Variants in PIK3R1 observed in about 807,000 individuals in gnomAD.
PIK3R1 encodes phosphoinositide-3-kinase regulatory subunit 1.
Under a neutral mutation model 98.0 loss-of-function variants are expected in PIK3R1, and 29 were observed. The ratio of observed to expected loss-of-function variants is 0.30; its 90% CI spans 0.22 to 0.40. PIK3R1 has a LOEUF of 0.40. Ranked by LOEUF, PIK3R1 falls within the 10% of genes least tolerant of loss-of-function variation. The pLI is 1.00. For missense variants in PIK3R1, 596 were observed against 872.7 expected (o/e 0.68, Z 3.99); for synonymous variants, 282 against 311.8 (o/e 0.90, Z 1.01).
intron 2 of PIK3R1, among the ~76,000 whole-genome samples, chr5:68,271,715 G>A (rs867190907): frequency 2.0e-5 from 3 of 152,212 alleles, no homozygotes; most frequent in Non-Finnish European, 4.4e-5. Context: ...TAGTGCTACT[G>A]TAGGATTTTC....
At chr5:68,282,043 G>C (rs764636560) in intron 7 of PIK3R1, among the ~76,000 whole-genome samples, 3 of 152,170 alleles carry the variant, frequency 2.0e-5, no homozygotes, top group Non-Finnish European at 4.4e-5. Context: ...AAAGGTTTAT[G>C]TGGACAGGCC....
intron 7 of PIK3R1, among the ~76,000 whole-genome samples, chr5:68,284,563 G>C (rs1211527812): frequency 1.3e-5 from 2 of 152,186 alleles, no homozygotes; most frequent in African/African-American, 4.8e-5. Context: ...CACTTTATCT[G>C]CACTCAAGTA....
chr5:68,226,787 G>C lies in PIK3R1; in HGVS notation c.112G>C (p.Val38Leu), dbSNP rs762496756. ...ATTGACTGTGAATAAAGGGTCCTTA[G>C]TAGCTCTTGGATTCAGTGATGGACA... ...DILTVNKGSL[V>L]ALGFSDGQEA... Residue 38 changes from valine (V) to leucine (L), a missense_variant, in exon 2 of 16, where the codon GTA (valine) becomes CTA (leucine). By Grantham distance (32) the Val-to-Leu change is conservative (BLOSUM62 1). This residue lies in a region of PIK3R1 where 352 missense variants were observed against 393.3 expected (regional missense o/e 0.90). Transcript: ENST00000521381. 1 of 1,614,102 alleles carries C rather than the reference G, an allele frequency of 6.2e-7. No individual in the cohort carries two copies. The highest frequency in any genetic ancestry group is 8.5e-7 in the Non-Finnish European group (1 of 1,180,006).
intron 11 of PIK3R1, 136 bp from the exon 12 acceptor site, chr5:68,294,400 G>T: frequency 1.9e-6 from 1 of 528,030 alleles, no homozygotes; most frequent in Non-Finnish European, 3.1e-6. Flanking sequence ...CTTGTTTCTG[G>T]GATACTGTTT....
At position 68,267,768 on chromosome 5, in the gene PIK3R1, T is replaced by C. The variant is rs555208018; in HGVS notation, c.335-5622T>C. Among the ~76,000 whole-genome samples the C allele has an allele frequency of 1.7e-3, 226 of 130,606 alleles. 2 individuals carry two copies. Among genetic ancestry groups the C allele is most frequent in the African/African-American group, 7.6e-3 (213 of 27,994 alleles). The allele number at this position is 130,606 out of a possible 152,430, so 85.7% of individuals were successfully genotyped here. A position where few individuals can be genotyped will look rare whatever the true frequency, so the allele number is the denominator to read the frequency against. On this transcript the variant is annotated intron_variant, in intron 2 of 15. Coordinates refer to ENST00000521381, the MANE Select transcript of PIK3R1 (RefSeq NM_181523.3). ...GTCTAATATCTCAAATATATTAGTATTGTGGTCCTTTTGGGGAAAGTATGA... is the reference window on the plus strand; with the variant it reads ...GTCTAATATCTCAAATATATTAGTACTGTGGTCCTTTTGGGGAAAGTATGA...
chr5:68,298,310 G>A lies in PIK3R1; in HGVS notation c.*709G>A. Reference sequence around the variant, plus strand: ...AAATGACATTCAGTATATAAAATATGTACATAATATTGGATGACTAACTAT... The same window carrying A: ...AAATGACATTCAGTATATAAAATATATACATAATATTGGATGACTAACTAT... On this transcript the variant is annotated 3_prime_UTR_variant, in exon 16 of 16. Transcript: ENST00000521381. 4.3e-6 allele frequency: 1 copy of A among 233,168 alleles called. No homozygotes were observed. Among genetic ancestry groups the A allele is most frequent in the Non-Finnish European group, 8.5e-6 (1 of 117,762 alleles). 14.4% of individuals were successfully genotyped at this position (233,168 alleles called of 1,614,324 possible). A position where few individuals can be genotyped will look rare whatever the true frequency, so the allele number is the denominator to read the frequency against.
chr5:68,217,902 G>A (rs1743962049), intron 1 of PIK3R1: 1 of 152,154 alleles, frequency 6.6e-6, no homozygotes, highest in African/African-American at 2.4e-5. Context: ...AGTGTAATGT[G>A]CATTTACTTT....
Position 68,226,538 on chromosome 5 carries a change from G to C in PIK3R1, c.-138G>C. On this transcript the variant is annotated 5_prime_UTR_variant, in exon 2 of 16. Coordinates refer to ENST00000521381, the MANE Select transcript of PIK3R1 (RefSeq NM_181523.3). ...AGTCACCTCTCCTCTTAAACCTTTGGAGAGTGGTCCTTTGTCCTCTGCTGG... is the reference window on the plus strand; with the variant it reads ...AGTCACCTCTCCTCTTAAACCTTTGCAGAGTGGTCCTTTGTCCTCTGCTGG... The C allele has an allele frequency of 1.5e-6, 1 of 677,978 alleles. No individual in the cohort carries two copies. Among genetic ancestry groups the C allele is most frequent in the East Asian group, 2.7e-5 (1 of 36,964 alleles). The allele number at this position is 677,978 out of a possible 1,614,324, so 42.0% of individuals were successfully genotyped here.
chr5:68,256,944 C>G (rs1745542493), intron 2 of PIK3R1, among the ~76,000 whole-genome samples: 1 of 152,126 alleles, frequency 6.6e-6, no homozygotes, highest in South Asian at 2.1e-4. Flanking sequence ...TCCTGTGGTA[C>G]AGAGCATGTG....
intron 2 of PIK3R1, among the ~76,000 whole-genome samples, chr5:68,254,469 T>C (rs1000367546): frequency 6.6e-6 from 1 of 152,226 alleles, no homozygotes; most frequent in African/African-American, 2.4e-5. Context: ...GGAATCTCTC[T>C]ATAAAGGAGA....
chr5:68,293,687 G>A (rs1747521802), intron 10 of PIK3R1, 22 bp from the exon 11 acceptor site: 2 of 1,377,792 alleles, frequency 1.5e-6, no homozygotes, highest in South Asian at 1.3e-5. Flanking sequence ...CTTATCCATT[G>A]AATTTATTTT....
intron 2 of PIK3R1, among the ~76,000 whole-genome samples, chr5:68,227,506 A>G (rs1259496961): frequency 2.0e-5 from 3 of 152,218 alleles, no homozygotes; most frequent in Non-Finnish European, 4.4e-5. Context: ...GGTTCCAAGC[A>G]TTTCAGATAA....
chr5:68,278,211 C>A (rs916918252), intron 4 of PIK3R1, among the ~76,000 whole-genome samples: 1 of 152,024 alleles, frequency 6.6e-6, no homozygotes, highest in African/African-American at 2.4e-5. Flanking sequence ...TGACCTGTTT[C>A]CCAGCTGAGG....
Position 68,300,814 on chromosome 5 carries a change from TAAGTG to T in PIK3R1, c.*3220_*3224del, listed in dbSNP as rs1748000313. The T allele has an allele frequency of 4.3e-6, 1 of 233,154 alleles. No individual in the cohort carries two copies. The highest frequency in any genetic ancestry group is 2.2e-5 in the African/African-American group (1 of 45,350). 14.4% of individuals were successfully genotyped at this position (233,154 alleles called of 1,614,324 possible). A position where few individuals can be genotyped will look rare whatever the true frequency, so the allele number is the denominator to read the frequency against. ...GTCTTACAAAGGTGAAAATTGTTTG[TAAGTG>T]AAGTGAGAAGTTCATATTTCTTTGG... On this transcript the variant is annotated 3_prime_UTR_variant, in exon 16 of 16. Transcript: ENST00000521381.
intron 7 of PIK3R1, chr5:68,288,482 G>A: frequency 1.5e-6 from 2 of 1,305,770 alleles, no homozygotes; most frequent in East Asian, 3.2e-5. Context: ...TGGCCCGGAC[G>A]CACTGCCGGG....
chr5:68,233,821 C>T (rs949894733), intron 2 of PIK3R1, among the ~76,000 whole-genome samples: 1 of 152,216 alleles, frequency 6.6e-6, no homozygotes, highest in Non-Finnish European at 1.5e-5. Context: ...AGAACTTTCT[C>T]CCAATGGCTT....
chr5:68,294,496 A>G (rs1401236523), intron 11 of PIK3R1, 40 bp from the exon 12 acceptor site: 3 of 1,512,822 alleles, frequency 2.0e-6, no homozygotes, highest in African/African-American at 1.4e-5. Context: ...AGATTGTTCT[A>G]TGAAAGGTAT....
intron 5 of PIK3R1, 155 bp from the exon 6 acceptor site, chr5:68,280,373 T>C: frequency 1.6e-6 from 1 of 642,096 alleles, no homozygotes; most frequent in Admixed American, 2.6e-5. Flanking sequence ...CGTTTTCTAA[T>C]GAGAAGGACA....
chr5:68,239,789 A>G (rs1388423474), intron 2 of PIK3R1: 5 of 474,568 alleles, frequency 1.1e-5, no homozygotes, highest in African/African-American at 1.9e-5. Context: ...GTGACGTGTG[A>G]TGCGGTCTGA....
Sources: gnomAD v4.1 joint callset for allele counts (sites outside exome capture counted in the v4.1 genomes callset) on GRCh38, gnomAD v4.1.1 for gene constraint, gnomAD v4.1.1 regional missense constraint, MANE v1.5 for transcripts, NCBI Gene and HGNC (gene_info 2026-07-23, HGNC 2026-07-21) for gene names.